ARL15: variants seen among roughly 807,000 people sequenced by gnomAD.
The protein encoded by ARL15 is ADP-ribosylation factor-like protein 15.
In ARL15, 19 loss-of-function variants were observed where a neutral mutation model predicts 25.2. The ratio of observed to expected loss-of-function variants is 0.75; its 90% confidence interval spans 0.53 to 1.10. The LOEUF (loss-of-function observed/expected upper bound fraction) is 1.10. ARL15 is among the 50% of genes least tolerant of loss of function. ARL15 has a pLI of 0.00. For synonymous variants in ARL15, 94 were observed against 86.8 expected (o/e 1.08, Z -0.46); for missense variants, 220 against 246.0 (o/e 0.89, Z 0.71).
At chr5:54,121,773 C>A (rs1052115439) in intron 3 of ARL15, among the ~76,000 whole-genome samples, 9 of 152,096 alleles carry the variant, frequency 5.9e-5, no homozygotes, top group Non-Finnish European at 1.5e-5. Flanking sequence ...CATGAAAACT[C>A]CGCTTAATTG....
intron 4 of ARL15, among the ~76,000 whole-genome samples, chr5:54,021,521 A>G (rs1170534911): frequency 3.3e-5 from 5 of 152,216 alleles, no homozygotes; most frequent in Non-Finnish European, 7.3e-5. Context: ...GAAGAGCGAA[A>G]ACAAAAGAAT....
At chr5:54,035,520 CAT>C (rs1750141318) in intron 4 of ARL15, among the ~76,000 whole-genome samples, 1 of 152,126 alleles carries the variant, frequency 6.6e-6, no homozygotes, top group African/African-American at 2.4e-5. Context: ...AAAGGGAAAA[CAT>C]AACTCTTTTG....
intron 1 of ARL15, among the ~76,000 whole-genome samples, chr5:54,263,688 T>C (rs773720258): frequency 1.3e-5 from 2 of 152,142 alleles, no homozygotes; most frequent in Admixed American, 6.5e-5. Context: ...GAAATGATCA[T>C]TGAATGCTTA....
chr5:54,154,904 C>A (rs1412991601), intron 2 of ARL15, among the ~76,000 whole-genome samples: 1 of 152,098 alleles, frequency 6.6e-6, no homozygotes, highest in Non-Finnish European at 1.5e-5. Context: ...GGGCAGATCA[C>A]GAGGTCAAGA....
chr5:54,100,893 C>T (rs776448962), intron 4 of ARL15, among the ~76,000 whole-genome samples: 1 of 151,984 alleles, frequency 6.6e-6, no homozygotes, highest in Admixed American at 6.6e-5. Context: ...AAGTGAACTA[C>T]TTTTCACTGT....
chr5:54,074,367 CCTT>C (rs779259131), intron 4 of ARL15, among the ~76,000 whole-genome samples: 7 of 152,176 alleles, frequency 4.6e-5, no homozygotes, highest in Non-Finnish European at 7.3e-5. Flanking sequence ...TTCCTTTTCT[CCTT>C]CTTAAAGTGA....
rs2112330505 is a variant in ARL15, at chr5:54,147,908, T to A, written c.253+6672A>T. Among the ~76,000 whole-genome samples, 3 of 152,270 alleles carry A rather than the reference T, an allele frequency of 2.0e-5. No homozygotes were observed. In the South Asian group the frequency reaches 6.2e-4, roughly 32 times the overall value. On this transcript the variant is annotated intron_variant, in intron 3 of 4. Coordinates refer to ENST00000504924, the MANE Select transcript of ARL15 (RefSeq NM_019087.3). ...CTCTGGCTTTGCAGTGTGGCATGAG[T>A]CTCAGAGCCAGTGATTACATTACAT...
intron 4 of ARL15, among the ~76,000 whole-genome samples, chr5:53,986,521 G>A (rs75184719): frequency 0.021 from 3,191 of 152,294 alleles, 114 homozygotes; most frequent in African/African-American, 0.074. Flanking sequence ...CACTGGTCTA[G>A]GGTACAGCCT....
intron 4 of ARL15, among the ~76,000 whole-genome samples, chr5:54,064,760 T>C (rs1287300947): frequency 2.6e-5 from 4 of 151,990 alleles, no homozygotes; most frequent in Non-Finnish European, 5.9e-5. Flanking sequence ...CTTAGAATAG[T>C]GCCTGGCACA....
At chr5:54,296,175 G>A (rs1381976454) in intron 1 of ARL15, among the ~76,000 whole-genome samples, 4 of 152,212 alleles carry the variant, frequency 2.6e-5, no homozygotes, top group Non-Finnish European at 5.9e-5. Context: ...TACACTATGC[G>A]TATTAGGCAG....
At chr5:54,085,241 T>C (rs1052349796) in intron 4 of ARL15, among the ~76,000 whole-genome samples, 2 of 152,218 alleles carry the variant, frequency 1.3e-5, no homozygotes, top group Non-Finnish European at 2.9e-5. Context: ...CAAAAGATAC[T>C]ACAGAACAAT....
chr5:54,268,791 A>G (rs1019729265), intron 1 of ARL15, among the ~76,000 whole-genome samples: 3 of 152,228 alleles, frequency 2.0e-5, no homozygotes, highest in African/African-American at 7.2e-5. Flanking sequence ...TGGCAGCACT[A>G]TTCACAATAG....
intron 4 of ARL15, among the ~76,000 whole-genome samples, chr5:54,013,132 T>C (rs1237553138): frequency 6.6e-6 from 1 of 152,190 alleles, no homozygotes; most frequent in East Asian, 1.9e-4. Context: ...TTTATTCAAT[T>C]TTAAGACATC....
chr5:54,120,158 T>A (rs1383739773), intron 3 of ARL15, among the ~76,000 whole-genome samples: 1 of 152,212 alleles, frequency 6.6e-6, no homozygotes, highest in African/African-American at 2.4e-5. Flanking sequence ...ACCAAGCAAA[T>A]CATTCTTTGC....
intron 1 of ARL15, among the ~76,000 whole-genome samples, chr5:54,265,140 T>C (rs759824871): frequency 6.6e-6 from 1 of 152,204 alleles, no homozygotes; most frequent in Non-Finnish European, 1.5e-5. Context: ...TTTTTTTAAA[T>C]AAAAGTATAA....
intron 4 of ARL15, among the ~76,000 whole-genome samples, chr5:54,100,905 T>C (rs545672864): frequency 2.3e-4 from 35 of 152,208 alleles, no homozygotes; most frequent in Admixed American, 7.2e-4. Flanking sequence ...TTTCACTGTA[T>C]ACCTTTTTGT....
chr5:54,148,868 T>G (rs1753986024), intron 3 of ARL15, among the ~76,000 whole-genome samples: 1 of 152,218 alleles, frequency 6.6e-6, no homozygotes, highest in African/African-American at 2.4e-5. Context: ...ACACCAAACA[T>G]GTTAAGAACT....
intron 4 of ARL15, among the ~76,000 whole-genome samples, chr5:54,046,347 G>A (rs889202550): frequency 7.9e-5 from 12 of 152,122 alleles, no homozygotes; most frequent in Admixed American, 5.9e-4. Context: ...CAGGCATGGT[G>A]GCATGTGCCT....
intron 1 of ARL15, among the ~76,000 whole-genome samples, chr5:54,196,717 A>G (rs536631040): frequency 6.6e-6 from 1 of 152,246 alleles, no homozygotes; most frequent in African/African-American, 2.4e-5. Context: ...CTCTTTCTTC[A>G]TTATTCTTTA....
Sources: allele counts gnomAD v4.1 joint callset (sites outside exome capture counted in the v4.1 genomes callset), GRCh38; gene constraint gnomAD v4.1.1; transcripts MANE v1.5; gene names NCBI Gene and HGNC (gene_info 2026-07-23, HGNC 2026-07-21).